Variants in POR observed in about 807,000 individuals in gnomAD.
The protein encoded by POR is cytochrome p450 oxidoreductase, also known as NADPH--cytochrome P450 reductase.
Under a neutral mutation model 84.0 loss-of-function variants are expected in POR, and 56 were observed. That is an observed-to-expected ratio of 0.67 (90% confidence interval 0.54 to 0.83). POR has a LOEUF of 0.83. Ranked by LOEUF, POR falls within the 40% of genes least tolerant of loss-of-function variation. POR has a pLI of 0.00. For synonymous variants in POR, 414 were observed against 400.5 expected (o/e 1.03, Z -0.40); for missense variants, 938 against 944.3 (o/e 0.99, Z 0.09).
chr7:75,915,538 C>G (rs1417028232), intron 1 of POR: 1 of 152,336 alleles, frequency 6.6e-6, no homozygotes, highest in Non-Finnish European at 1.5e-5. Context: ...GCCACTTTAA[C>G]TCTCCGAGCC....
At position 75,985,126 on chromosome 7, in the gene POR, C is replaced by T; in HGVS notation, c.1317C>T (p.Ser439=). The change falls in exon 12 of 16, where the codon TCC becomes TCT. Residue 439 remains serine, a synonymous_variant. Coordinates refer to ENST00000461988, the MANE Select transcript of POR (RefSeq NM_000941.3). ...TGGCCATCCTGCAGGACTGCCCGTCCCTGCGGCCCCCCATCGACCACCTGT... is the reference window on the plus strand; with the variant it reads ...TGGCCATCCTGCAGGACTGCCCGTCTCTGCGGCCCCCCATCGACCACCTGT... The T allele has an allele frequency of 6.2e-7, 1 of 1,600,104 alleles. No individual in the cohort carries two copies. The highest frequency in any genetic ancestry group is 8.5e-7 in the Non-Finnish European group (1 of 1,179,590).
chr7:75,979,651 C>G, intron 4 of POR, 72 bp downstream of exon 4: 1 of 1,576,158 alleles, frequency 6.3e-7, no homozygotes. Context: ...GTAGGGCGCC[C>G]CTCAGCAGGG....
intron 3 of POR, chr7:75,972,788 G>A (rs1163783139): frequency 1.3e-5 from 5 of 389,428 alleles, no homozygotes; most frequent in African/African-American, 4.1e-5. Context: ...AGCTGCGGTC[G>A]TGGCACCACT....
intron 2 of POR, among the ~76,000 whole-genome samples, chr7:75,964,345 TC>T (rs1554554909): frequency 6.6e-6 from 1 of 152,088 alleles, no homozygotes; most frequent in African/African-American, 2.4e-5. Flanking sequence ...CTCGCTCCTG[TC>T]CCCCAGGCTG....
intron 2 of POR, among the ~76,000 whole-genome samples, chr7:75,960,510 C>A (rs1276393004): frequency 2.0e-5 from 3 of 152,002 alleles, no homozygotes; most frequent in African/African-American, 7.3e-5. Context: ...TGGTCTCGCT[C>A]TGTTGCCCAG....
At chr7:75,972,514 C>T (rs1554556346) in intron 3 of POR, 53 bp downstream of exon 3, 5 of 1,496,000 alleles carry the variant, frequency 3.3e-6, no homozygotes. Context: ...CCCCGATGGG[C>T]ATGTAATCAA....
intron 3 of POR, among the ~76,000 whole-genome samples, chr7:75,975,730 C>T (rs1788651835): frequency 6.6e-6 from 1 of 151,312 alleles, no homozygotes; most frequent in African/African-American, 2.4e-5. Flanking sequence ...TTTTTATTGC[C>T]AAATAATGTT....
chr7:75,953,188 G>A lies in POR; in HGVS notation c.-4-801G>A, dbSNP rs1160718772. Among the ~76,000 whole-genome samples the A allele has an allele frequency of 2.6e-5, 4 of 151,938 alleles. No homozygotes were observed. In the East Asian group the frequency reaches 5.8e-4, roughly 22 times the overall value. ...ACGAGAACCAGTCAGGCGTGGCGGC[G>A]CGCGCCTGCAATCGCAGGCACTCGG... On this transcript the variant is annotated intron_variant, in intron 1 of 15. Transcript: ENST00000461988.
intron 1 of POR, among the ~76,000 whole-genome samples, chr7:75,939,016 C>G (rs1231611730): frequency 6.6e-6 from 1 of 152,148 alleles, no homozygotes; most frequent in Non-Finnish European, 1.5e-5. Context: ...CTTTTTCCTT[C>G]CAGCTCTATT....
chr7:75,941,195 G>A (rs1327130480), intron 1 of POR, among the ~76,000 whole-genome samples: 3 of 152,036 alleles, frequency 2.0e-5, no homozygotes, highest in African/African-American at 7.2e-5. Flanking sequence ...AAAGATGCAG[G>A]AACCTGAGAT....
At chr7:75,984,754 T>G in intron 10 of POR, 23 bp from the exon 11 acceptor site, 3 of 1,610,240 alleles carry the variant, frequency 1.9e-6, no homozygotes, top group Non-Finnish European at 2.5e-6. Flanking sequence ...CTACCCCAAG[T>G]CCTGCCTGTC....
At chr7:75,962,705 C>T (rs1318907495) in intron 2 of POR, among the ~76,000 whole-genome samples, 7 of 152,354 alleles carry the variant, frequency 4.6e-5, no homozygotes, top group African/African-American at 1.7e-4. Flanking sequence ...CATTTCATCA[C>T]TCCGAAACAG....
At chr7:75,919,382 C>CGTGCGTGTGT (rs147421179) in intron 1 of POR, among the ~76,000 whole-genome samples, 21 of 146,530 alleles carry the variant, frequency 1.4e-4, no homozygotes, top group African/African-American at 3.5e-4. Context: ...TCTGTGCGTG[C>CGTGCGTGTGT]GTGTGTGTGT....
chr7:75,980,700 G>A (rs782755647), intron 5 of POR: 7 of 1,527,316 alleles, frequency 4.6e-6, no homozygotes, highest in Non-Finnish European at 6.1e-6. Context: ...GCTCCAGGGG[G>A]CATTGGGTGC....
chr7:75,977,748 A>T (rs1285486855), intron 3 of POR, among the ~76,000 whole-genome samples: 5 of 152,232 alleles, frequency 3.3e-5, no homozygotes, highest in Admixed American at 3.3e-4. Context: ...ATTACACTCC[A>T]ATCTGGGCGT....
At chr7:75,963,245 G>A (rs147719428) in intron 2 of POR, among the ~76,000 whole-genome samples, 2 of 152,230 alleles carry the variant, frequency 1.3e-5, no homozygotes, top group Admixed American at 6.5e-5. Context: ...GACTGACAAA[G>A]AGGAAAGCAT....
Position 75,927,904 on chromosome 7 carries a change from C to CAAG in POR, c.-5+12726_-5+12728dup, listed in dbSNP as rs199523683. Among the ~76,000 whole-genome samples, 1,386 of 149,520 alleles carry CAAG rather than the reference C, an allele frequency of 9.3e-3. 23 individuals carry two copies. The highest frequency in any genetic ancestry group is 0.03 in the African/African-American group (1,202 of 40,534). On this transcript the variant is annotated intron_variant, in intron 1 of 15. Transcript: ENST00000461988. ...TAGACTGGTCTCGAACTCCTGACCT[C>CAAG]AAGTGATCTTGCCCTCCTCGGCCTG...
chr7:75,933,397 T>G (rs1554550400), intron 1 of POR, among the ~76,000 whole-genome samples: 1 of 120,424 alleles, frequency 8.3e-6, no homozygotes, highest in African/African-American at 3.9e-5. Flanking sequence ...TTTTTTTTTT[T>G]TTTTTTTTTG....
intron 1 of POR, among the ~76,000 whole-genome samples, chr7:75,940,507 G>A (rs760029464): frequency 2.6e-5 from 4 of 151,716 alleles, no homozygotes; most frequent in African/African-American, 9.7e-5. Context: ...TCTCGTGGCC[G>A]GGTGCAGTGG....
Sources: allele counts gnomAD v4.1 joint callset (sites outside exome capture counted in the v4.1 genomes callset), GRCh38; gene constraint gnomAD v4.1.1; transcripts MANE v1.5; gene names NCBI Gene and HGNC (gene_info 2026-07-23, HGNC 2026-07-21).